Variants in KIF3B observed in about 807,000 individuals in gnomAD.
KIF3B encodes kinesin family member 3B, also known as kinesin-like protein KIF3B.
In KIF3B, 38 loss-of-function variants were observed where a neutral mutation model predicts 74.3. The observed-to-expected ratio is 0.51, with a 90% CI of 0.39 to 0.67. KIF3B has a LOEUF of 0.67. Among genes scored for constraint, KIF3B ranks in the 30% least tolerant of loss-of-function variants. The pLI is 0.00. For synonymous variants in KIF3B, 326 were observed against 342.5 expected (o/e 0.95, Z 0.53); for missense variants, 649 against 932.0 (o/e 0.70, Z 3.95).
At chr20:32,287,356 C>T (rs2047671962) in intron 1 of KIF3B, among the ~76,000 whole-genome samples, 1 of 151,220 alleles carries the variant, frequency 6.6e-6, no homozygotes, top group African/African-American at 2.4e-5. Context: ...GGGTGTCGCT[C>T]CGTTGCCCAG....
intron 1 of KIF3B, among the ~76,000 whole-genome samples, chr20:32,279,069 G>A (rs566664798): frequency 6.6e-6 from 1 of 151,470 alleles, no homozygotes; most frequent in South Asian, 2.1e-4. Context: ...GACTACAGAT[G>A]TTCACCACCT....
chr20:32,292,583 GA>G (rs71185398), intron 1 of KIF3B, among the ~76,000 whole-genome samples: 25,608 of 72,272 alleles, frequency 0.35, 3,941 homozygotes, highest in African/African-American at 0.61. Flanking sequence ...ACTAAAAATA[GA>G]AAAAAAAAAA....
chr20:32,334,573 C>T lies in KIF3B; in HGVS notation c.*3254C>T, dbSNP rs1403207228. The T allele has an allele frequency of 6.6e-6, 1 of 152,592 alleles. No homozygotes were observed. The highest frequency in any genetic ancestry group is 2.4e-5 in the African/African-American group (1 of 41,440). The allele number at this position is 152,592 out of a possible 1,614,324, so 9.5% of individuals were successfully genotyped here. On this transcript the variant is annotated 3_prime_UTR_variant, in exon 9 of 9. Coordinates refer to ENST00000375712, the MANE Select transcript of KIF3B (RefSeq NM_004798.4). ...GGCGTACTGGAGACAACACCTCAGA[C>T]CATCTGAACCCCATCAGTGGACGAA...
chr20:32,295,207 T>C (rs924750857), intron 1 of KIF3B, among the ~76,000 whole-genome samples: 1 of 152,178 alleles, frequency 6.6e-6, no homozygotes, highest in Non-Finnish European at 1.5e-5. Flanking sequence ...GTGGCTCTTA[T>C]ATGTTCTTTC....
chr20:32,284,692 C>T (rs2047659392), intron 1 of KIF3B, among the ~76,000 whole-genome samples: 1 of 152,128 alleles, frequency 6.6e-6, no homozygotes, highest in African/African-American at 2.4e-5. Flanking sequence ...TAAATCAGAG[C>T]CTGCCTTTTA....
chr20:32,333,566 G>A lies in KIF3B; in HGVS notation c.*2247G>A, dbSNP rs1055006924. ...GAGAATCACTTGAACCTGGGAGGCGGAGGTTGCAGTGAGTCGAGATAACAC... is the reference window on the plus strand; with the variant it reads ...GAGAATCACTTGAACCTGGGAGGCGAAGGTTGCAGTGAGTCGAGATAACAC... On this transcript the variant is annotated 3_prime_UTR_variant, in exon 9 of 9. Coordinates refer to ENST00000375712, the MANE Select transcript of KIF3B (RefSeq NM_004798.4). 7.0e-6 allele frequency: 1 copy of A among 142,786 alleles called. No homozygotes were observed. The highest frequency in any genetic ancestry group is 7.2e-5 in the Admixed American group (1 of 13,894). 8.8% of individuals were successfully genotyped at this position (142,786 alleles called of 1,614,324 possible).
intron 1 of KIF3B, among the ~76,000 whole-genome samples, chr20:32,293,239 G>A (rs2047701607): frequency 6.6e-6 from 1 of 152,090 alleles, no homozygotes; most frequent in Admixed American, 6.6e-5. Context: ...GGGCAACTGA[G>A]ACTCTGTCTC....
At chr20:32,298,177 A>G (rs1341438419) in intron 1 of KIF3B, among the ~76,000 whole-genome samples, 1 of 151,264 alleles carries the variant, frequency 6.6e-6, no homozygotes, top group Non-Finnish European at 1.5e-5. Context: ...ATGTCACACC[A>G]GTAATCCCAG....
At chr20:32,284,434 C>T (rs1475033478) in intron 1 of KIF3B, among the ~76,000 whole-genome samples, 1 of 152,146 alleles carries the variant, frequency 6.6e-6, no homozygotes, top group African/African-American at 2.4e-5. Context: ...TAGGGAGATC[C>T]TTGCTGCTCA....
intron 5 of KIF3B, among the ~76,000 whole-genome samples, chr20:32,321,904 T>A (rs1249245144): frequency 6.6e-6 from 1 of 152,178 alleles, no homozygotes; most frequent in Admixed American, 6.5e-5. Flanking sequence ...GCATAACTTT[T>A]ATATGCACTG....
chr20:32,308,509 C>T (rs1482507539), intron 1 of KIF3B, among the ~76,000 whole-genome samples: 2 of 152,188 alleles, frequency 1.3e-5, no homozygotes, highest in East Asian at 3.9e-4. Context: ...CTCCTAGGCT[C>T]AAGTGATTCT....
chr20:32,291,283 A>T (rs1370799034), intron 1 of KIF3B, among the ~76,000 whole-genome samples: 1 of 152,198 alleles, frequency 6.6e-6, no homozygotes, highest in Non-Finnish European at 1.5e-5. Flanking sequence ...TTTTAAAAAA[A>T]TTTTAAATGA....
At chr20:32,287,679 C>CT (rs950716641) in intron 1 of KIF3B, among the ~76,000 whole-genome samples, 2 of 152,100 alleles carry the variant, frequency 1.3e-5, no homozygotes, top group African/African-American at 2.4e-5. Flanking sequence ...AACTACTACA[C>CT]TTTCCCTGGC....
chr20:32,327,737 C>T, intron 7 of KIF3B, 76 bp downstream of exon 7: 1 of 1,018,464 alleles, frequency 9.8e-7, no homozygotes, highest in Non-Finnish European at 1.5e-6. Context: ...GATACTATTC[C>T]ACTCAGAGTT....
Position 32,327,633 on chromosome 20 carries a change from T to C in KIF3B, c.1940T>C (p.Met647Thr). The change falls in exon 7 of 9, where the codon ATG becomes ACG. Residue 647 changes from methionine (M) to threonine (T), a missense_variant. This residue lies in a region of KIF3B where 186 missense variants were observed against 198.5 expected (regional missense o/e 0.94). Coordinates refer to ENST00000375712, the MANE Select transcript of KIF3B (RefSeq NM_004798.4). The stretch of plus-strand genomic sequence containing the variant: ...TTGAGCCAGCACGCAAGAATGTCCA[T>C]GATGATTCGTCCAGAGGCCCGATAT... ...RPLSQHARMS[M>T]MIRPEARYRA... 1 of 1,613,308 alleles carries C rather than the reference T, an allele frequency of 6.2e-7. No homozygotes were observed. Among genetic ancestry groups the C allele is most frequent in the Non-Finnish European group, 8.5e-7 (1 of 1,179,668 alleles).
At chr20:32,300,530 C>T (rs893412853) in intron 1 of KIF3B, among the ~76,000 whole-genome samples, 2 of 152,138 alleles carry the variant, frequency 1.3e-5, no homozygotes, top group Non-Finnish European at 2.9e-5. Context: ...CTGCCCACCT[C>T]GGCCTCCCAA....
At chr20:32,315,081 A>G (rs1196673360) in intron 2 of KIF3B, among the ~76,000 whole-genome samples, 1 of 152,186 alleles carries the variant, frequency 6.6e-6, no homozygotes, top group Non-Finnish European at 1.5e-5. Flanking sequence ...GAGGAGGCCT[A>G]GCCCAGGCCT....
intron 1 of KIF3B, among the ~76,000 whole-genome samples, chr20:32,298,885 T>G (rs2047728602): frequency 6.6e-6 from 1 of 152,174 alleles, no homozygotes; most frequent in African/African-American, 2.4e-5. Flanking sequence ...CTCAAACTTC[T>G]GAACTCAAGT....
intron 5 of KIF3B, among the ~76,000 whole-genome samples, chr20:32,322,716 ATT>A (rs2047870081): frequency 1.4e-5 from 1 of 70,848 alleles, no homozygotes; most frequent in African/African-American, 6.1e-5. Flanking sequence ...ATTTATATAT[ATT>A]TATATTTATT....
Sources: allele counts gnomAD v4.1 joint callset (sites outside exome capture counted in the v4.1 genomes callset), GRCh38; gene constraint gnomAD v4.1.1; regional missense constraint gnomAD v4.1.1; transcripts MANE v1.5; gene names NCBI Gene and HGNC (gene_info 2026-07-23, HGNC 2026-07-21).